The following CIMIP6 variants were observed in gnomAD, a reference collection of about 807,000 sequenced individuals.
CIMIP6 encodes the protein uncharacterized protein C2orf73.
At chr2:54,369,003 A>C in the CIMIP6 span, among the ~76,000 whole-genome samples, 45 of 152,278 alleles carry the variant, frequency 3.0e-4, no homozygotes, top group African/African-American at 1.1e-3. Flanking sequence ...TCCTTCTAGC[A>C]AATTATCAAA....
the CIMIP6 span, among the ~76,000 whole-genome samples, chr2:54,365,244 G>C: frequency 6.6e-6 from 1 of 152,134 alleles, no homozygotes; most frequent in Non-Finnish European, 1.5e-5. Flanking sequence ...GTATTCATGA[G>C]AAGGAAATGC....
At chr2:54,368,123 A>G in the CIMIP6 span, among the ~76,000 whole-genome samples, 1 of 152,138 alleles carries the variant, frequency 6.6e-6, no homozygotes, top group Non-Finnish European at 1.5e-5. Context: ...CACTAACAGA[A>G]ATTGAATTTC....
chr2:54,378,611 T>C, the CIMIP6 span, among the ~76,000 whole-genome samples: 1 of 152,224 alleles, frequency 6.6e-6, no homozygotes, highest in Non-Finnish European at 1.5e-5. Context: ...AAACAGAGCA[T>C]ATTATAATTA....
the CIMIP6 span, among the ~76,000 whole-genome samples, chr2:54,351,821 A>T: frequency 1.3e-5 from 2 of 152,182 alleles, no homozygotes; most frequent in East Asian, 3.8e-4. Context: ...AAATACTTCA[A>T]ACATCTTTAC....
the CIMIP6 span, among the ~76,000 whole-genome samples, chr2:54,375,909 G>A: frequency 1.2e-4 from 14 of 121,588 alleles, no homozygotes; most frequent in Admixed American, 3.2e-4. Context: ...TGTGTGTGAC[G>A]TTTTGGAAGG....
chr2:54,343,934 A>G, the CIMIP6 span: 1 of 1,349,438 alleles, frequency 7.4e-7, no homozygotes, highest in Non-Finnish European at 9.8e-7. Flanking sequence ...ACCAAAACTA[A>G]GATGTATTAG....
chr2:54,367,937 T>G, the CIMIP6 span, among the ~76,000 whole-genome samples: 3 of 152,190 alleles, frequency 2.0e-5, no homozygotes, highest in Non-Finnish European at 4.4e-5. Flanking sequence ...AGTTTTAATC[T>G]TAAGTAACCT....
chr2:54,355,274 T>G, the CIMIP6 span, among the ~76,000 whole-genome samples: 1 of 152,186 alleles, frequency 6.6e-6, no homozygotes, highest in Non-Finnish European at 1.5e-5. Flanking sequence ...TCCCAGATGA[T>G]GTTAAATTTC....
At chr2:54,371,043 C>T in the CIMIP6 span, among the ~76,000 whole-genome samples, 1 of 152,190 alleles carries the variant, frequency 6.6e-6, no homozygotes, top group Non-Finnish European at 1.5e-5. Context: ...TTCCTCAGGG[C>T]CTAGAGGGTG....
chr2:54,371,633 T>C, the CIMIP6 span, among the ~76,000 whole-genome samples: 1 of 152,186 alleles, frequency 6.6e-6, no homozygotes, highest in Non-Finnish European at 1.5e-5. Context: ...CACATCTTGC[T>C]TCTAGTAAAT....
At chr2:54,378,590 G>C in the CIMIP6 span, among the ~76,000 whole-genome samples, 1 of 152,130 alleles carries the variant, frequency 6.6e-6, no homozygotes. Context: ...GAAATGCCCA[G>C]CTTTCTCAGG....
At chr2:54,352,818 T>C in the CIMIP6 span, among the ~76,000 whole-genome samples, 43 of 152,348 alleles carry the variant, frequency 2.8e-4, no homozygotes, top group Non-Finnish European at 5.3e-4. Context: ...ATAGTTGTTA[T>C]CGTGTTTTTT....
chr2:54,352,422 A>T, the CIMIP6 span, among the ~76,000 whole-genome samples: 5 of 152,218 alleles, frequency 3.3e-5, no homozygotes, highest in African/African-American at 7.2e-5. Context: ...TGTGATTATT[A>T]CAGACAGTGT....
chr2:54,332,691 A>T, the CIMIP6 span, among the ~76,000 whole-genome samples: 1 of 152,226 alleles, frequency 6.6e-6, no homozygotes, highest in South Asian at 2.1e-4. Context: ...AATCAAATGA[A>T]TTTAACTATA....
At chr2:54,354,219 C>T in the CIMIP6 span, among the ~76,000 whole-genome samples, 117,939 of 152,082 alleles carry the variant, frequency 0.78, 45,817 homozygotes, top group Non-Finnish European at 0.8. Flanking sequence ...TTTTCAGTTC[C>T]TGGATCAGTA....
At chr2:54,360,330 G>C in the CIMIP6 span, 1 of 1,611,184 alleles carries the variant, frequency 6.2e-7, no homozygotes, top group Non-Finnish European at 8.5e-7. Context: ...ACAGAGAAAG[G>C]AAACTCAGCG....
At chr2:54,345,535 T>G in the CIMIP6 span, among the ~76,000 whole-genome samples, 1 of 152,224 alleles carries the variant, frequency 6.6e-6, no homozygotes, top group Non-Finnish European at 1.5e-5. Context: ...TTCAAGTGCC[T>G]TTAACTCAAT....
chr2:54,359,308 G>A, the CIMIP6 span, among the ~76,000 whole-genome samples: 6 of 152,108 alleles, frequency 3.9e-5, no homozygotes, highest in South Asian at 6.2e-4. Flanking sequence ...AGAGTTGCTT[G>A]AGCCCAGGAG....
the CIMIP6 span, among the ~76,000 whole-genome samples, chr2:54,375,451 A>G: frequency 6.6e-6 from 1 of 152,212 alleles, no homozygotes; most frequent in Non-Finnish European, 1.5e-5. Flanking sequence ...TAAAAACTGA[A>G]AAGATTGTTT....
Sources: allele counts gnomAD v4.1 joint callset (sites outside exome capture counted in the v4.1 genomes callset), GRCh38; gene constraint gnomAD v4.1.1; transcripts MANE v1.5; gene names NCBI Gene and HGNC (gene_info 2026-07-23, HGNC 2026-07-21).